Variants in CCSER1 observed in about 807,000 individuals in gnomAD.
CCSER1 encodes the protein coiled-coil serine rich protein 1, also known as serine-rich coiled-coil domain-containing protein 1.
A neutral mutation model predicts 82.0 loss-of-function variants in CCSER1; 41 were observed. That is an observed-to-expected ratio of 0.50 (90% CI 0.39 to 0.65). The LOEUF (loss-of-function observed/expected upper bound fraction) is 0.65. Among genes scored for constraint, CCSER1 ranks in the 30% least tolerant of loss-of-function variants. The probability of loss-of-function intolerance (pLI) is 0.00; values close to 1 mark genes in which losing one functional copy is unlikely to be tolerated. For synonymous variants in CCSER1, 414 were observed against 383.9 expected (o/e 1.08, Z -0.92); for missense variants, 1,119 against 1,064.2 (o/e 1.05, Z -0.72).
At chr4:90,667,346 CTATTAT>C (rs201128978) in intron 6 of CCSER1, among the ~76,000 whole-genome samples, 1 of 151,952 alleles carries the variant, frequency 6.6e-6, no homozygotes, top group East Asian at 1.9e-4. Context: ...GTGTTAGCTA[CTATTAT>C]TATTATTATA....
At chr4:90,140,657 CTTTTTTTTTTTTT>C (rs34194245) in intron 1 of CCSER1, among the ~76,000 whole-genome samples, 5 of 63,646 alleles carry the variant, frequency 7.9e-5, no homozygotes, top group East Asian at 6.3e-4. Context: ...TTTTGGTCTA[CTTTTTTTTTTTTT>C]TTTTTTTTTT....
intron 10 of CCSER1, among the ~76,000 whole-genome samples, chr4:91,178,382 C>T (rs1017022557): frequency 8.0e-5 from 11 of 137,260 alleles, no homozygotes; most frequent in African/African-American, 1.6e-4. Context: ...CATTCTGTCT[C>T]GTTGATCTGT....
At chr4:91,576,430 C>T (rs189012362) in intron 10 of CCSER1, among the ~76,000 whole-genome samples, 92 of 152,026 alleles carry the variant, frequency 6.1e-4, no homozygotes, top group Non-Finnish European at 1.2e-4. Context: ...ATGTTGGTTA[C>T]AAGGACCAAA....
chr4:90,755,724 T>C (rs1290486812), intron 7 of CCSER1, among the ~76,000 whole-genome samples: 3 of 152,206 alleles, frequency 2.0e-5, no homozygotes, highest in African/African-American at 7.2e-5. Flanking sequence ...TACTGTGATT[T>C]GTATTAAATA....
chr4:90,337,426 C>G (rs994783873), intron 3 of CCSER1, among the ~76,000 whole-genome samples: 1 of 152,156 alleles, frequency 6.6e-6, no homozygotes, highest in African/African-American at 2.4e-5. Context: ...CAAAACACAG[C>G]AGCTGGGAGA....
intron 5 of CCSER1, among the ~76,000 whole-genome samples, chr4:90,559,271 T>C (rs1778456547): frequency 6.6e-6 from 1 of 152,150 alleles, no homozygotes; most frequent in South Asian, 2.1e-4. Context: ...ATTCCTGAGA[T>C]AGTAAATGGC....
chr4:91,117,987 A>G (rs1479417670), intron 10 of CCSER1, among the ~76,000 whole-genome samples: 1 of 152,120 alleles, frequency 6.6e-6, no homozygotes, highest in Non-Finnish European at 1.5e-5. Flanking sequence ...CCCAAAATCT[A>G]TTGTAAATTG....
chr4:91,324,784 T>C (rs554283741), intron 10 of CCSER1, among the ~76,000 whole-genome samples: 3 of 152,174 alleles, frequency 2.0e-5, no homozygotes, highest in Non-Finnish European at 4.4e-5. Context: ...GGACTTTTTC[T>C]TAAGCCTTCA....
intron 8 of CCSER1, among the ~76,000 whole-genome samples, chr4:90,867,873 G>A (rs536877036): frequency 2.8e-4 from 42 of 152,038 alleles, no homozygotes; most frequent in Middle Eastern, 6.8e-3. Context: ...CGAAGGACAG[G>A]ATCTCATTCT....
At chr4:90,333,103 G>T (rs1490734623) in intron 3 of CCSER1, among the ~76,000 whole-genome samples, 1 of 152,178 alleles carries the variant, frequency 6.6e-6, no homozygotes, top group Non-Finnish European at 1.5e-5. Context: ...GAAACTACAT[G>T]TGTAATATAT....
At chr4:91,494,033 T>C (rs1263848509) in intron 10 of CCSER1, among the ~76,000 whole-genome samples, 1 of 151,856 alleles carries the variant, frequency 6.6e-6, no homozygotes, top group Non-Finnish European at 1.5e-5. Context: ...AGGTGGGGAC[T>C]TTACAAAATG....
intron 10 of CCSER1, among the ~76,000 whole-genome samples, chr4:91,156,283 T>C (rs1248950198): frequency 6.6e-6 from 1 of 151,810 alleles, no homozygotes; most frequent in Non-Finnish European, 1.5e-5. Flanking sequence ...CCTTGGACTT[T>C]ACCTAGTGTG....
At chr4:90,765,032 G>GA (rs983806467) in intron 7 of CCSER1, among the ~76,000 whole-genome samples, 34 of 151,916 alleles carry the variant, frequency 2.2e-4, no homozygotes, top group African/African-American at 8.2e-4. Flanking sequence ...GAAAAGTAGA[G>GA]AAAAAAAATC....
intron 5 of CCSER1, among the ~76,000 whole-genome samples, chr4:90,525,618 G>T (rs1773658839): frequency 6.6e-6 from 1 of 151,504 alleles, no homozygotes; most frequent in South Asian, 2.1e-4. Flanking sequence ...TTCTAAATTT[G>T]CCTTCCTACT....
At chr4:90,225,461 T>G (rs1397759492) in intron 1 of CCSER1, among the ~76,000 whole-genome samples, 1 of 152,110 alleles carries the variant, frequency 6.6e-6, no homozygotes, top group East Asian at 1.9e-4. Flanking sequence ...CCTCCACTCT[T>G]GAGTGGGACA....
At chr4:90,758,294 T>C (rs1423075698) in intron 7 of CCSER1, among the ~76,000 whole-genome samples, 1 of 152,206 alleles carries the variant, frequency 6.6e-6, no homozygotes, top group Non-Finnish European at 1.5e-5. Flanking sequence ...TATATTTTTG[T>C]ATTAAAAATA....
intron 10 of CCSER1, among the ~76,000 whole-genome samples, chr4:91,373,562 G>C (rs147389141): frequency 2.0e-3 from 306 of 152,186 alleles, no homozygotes; most frequent in African/African-American, 7.2e-3. Context: ...TGTGGGTTTT[G>C]ACTGCTCCAC....
intron 8 of CCSER1, among the ~76,000 whole-genome samples, chr4:90,857,382 A>G (rs1191112404): frequency 6.6e-6 from 1 of 152,064 alleles, no homozygotes; most frequent in East Asian, 1.9e-4. Context: ...TCCATATGTA[A>G]CGGACAAAAT....
chr4:91,389,245 GT>G (rs200398776), intron 10 of CCSER1, among the ~76,000 whole-genome samples: 4,741 of 152,034 alleles, frequency 0.031, 225 homozygotes, highest in African/African-American at 0.11. Context: ...TGTGAAGAGT[GT>G]TAAGATCAGT....
Sources: gnomAD v4.1 joint callset for allele counts (sites outside exome capture counted in the v4.1 genomes callset) on GRCh38, gnomAD v4.1.1 for gene constraint, MANE v1.5 for transcripts, NCBI Gene and HGNC (gene_info 2026-07-23, HGNC 2026-07-21) for gene names.